ST7: variants seen among roughly 807,000 people sequenced by gnomAD.
ST7 encodes the protein suppression of tumorigenicity 7.
A neutral mutation model predicts 78.7 loss-of-function variants in ST7; 28 were observed. The observed-to-expected ratio is 0.36, with a 90% confidence interval of 0.26 to 0.49. The LOEUF (loss-of-function observed/expected upper bound fraction) is 0.49, where lower values mean the gene tolerates loss of function less well. Ranked by LOEUF, ST7 falls within the 20% of genes least tolerant of loss-of-function variation. The pLI, the probability that ST7 is intolerant of heterozygous loss-of-function variation, is 0.99. For synonymous variants in ST7, 247 were observed against 249.6 expected (o/e 0.99, Z 0.10); for missense variants, 418 against 696.0 (o/e 0.60, Z 4.49).
At chr7:117,139,657 A>G (rs780590910) in intron 9 of ST7, among the ~76,000 whole-genome samples, 1 of 152,176 alleles carries the variant, frequency 6.6e-6, no homozygotes, top group African/African-American at 2.4e-5. Flanking sequence ...ATCTGAGGAG[A>G]GGAACTAGAA....
intron 9 of ST7, among the ~76,000 whole-genome samples, chr7:117,143,879 T>G (rs1805532179): frequency 6.6e-6 from 1 of 152,212 alleles, no homozygotes; most frequent in African/African-American, 2.4e-5. Context: ...AGGTATAATT[T>G]GATTCCATTT....
intron 1 of ST7, among the ~76,000 whole-genome samples, chr7:117,040,903 A>G (rs916336865): frequency 6.6e-6 from 1 of 152,134 alleles, no homozygotes; most frequent in Non-Finnish European, 1.5e-5. Context: ...ATTCCATGGA[A>G]CTACACACAT....
chr7:117,018,140 G>A (rs1795704028), intron 1 of ST7, among the ~76,000 whole-genome samples: 1 of 152,150 alleles, frequency 6.6e-6, no homozygotes, highest in African/African-American at 2.4e-5. Context: ...GTAGACCATG[G>A]CCTCTGTTTG....
At chr7:117,042,758 C>T (rs953041339) in intron 1 of ST7, among the ~76,000 whole-genome samples, 3 of 152,038 alleles carry the variant, frequency 2.0e-5, no homozygotes, top group African/African-American at 7.2e-5. Context: ...ATAGACCTCC[C>T]ACCTTTCTTT....
intron 1 of ST7, among the ~76,000 whole-genome samples, chr7:117,033,441 G>A (rs570949066): frequency 6.1e-4 from 84 of 136,692 alleles, no homozygotes; most frequent in African/African-American, 2.1e-3. Context: ...TTTTCTTTTT[G>A]GAGACAGAGC....
At chr7:117,191,586 A>G (rs1016317865) in intron 12 of ST7, 5 of 152,050 alleles carry the variant, frequency 3.3e-5, no homozygotes, top group African/African-American at 1.2e-4. Flanking sequence ...TATTCAGGAG[A>G]TGAATGTGTA....
At chr7:117,114,635 G>A (rs777216887) in intron 2 of ST7, among the ~76,000 whole-genome samples, 1 of 152,176 alleles carries the variant, frequency 6.6e-6, no homozygotes, top group African/African-American at 2.4e-5. Context: ...GGGTTTAATG[G>A]TGTTGGTGTG....
intron 9 of ST7, among the ~76,000 whole-genome samples, chr7:117,153,353 G>A (rs1225094778): frequency 1.3e-5 from 2 of 152,166 alleles, no homozygotes; most frequent in African/African-American, 2.4e-5. Flanking sequence ...TTATGAGAGA[G>A]ATATGGGCTA....
At chr7:117,154,090 C>T (rs747810390) in intron 9 of ST7, among the ~76,000 whole-genome samples, 54 of 152,016 alleles carry the variant, frequency 3.6e-4, no homozygotes, top group Non-Finnish European at 6.8e-4. Context: ...TTGTATTCTC[C>T]CCAAATTCAT....
chr7:117,032,261 CT>C (rs1311567859), intron 1 of ST7, among the ~76,000 whole-genome samples: 1 of 152,056 alleles, frequency 6.6e-6, no homozygotes, highest in Non-Finnish European at 1.5e-5. Context: ...GTAAATGCTA[CT>C]TTTATGGCCC....
chr7:117,103,329 A>G (rs577350878), intron 2 of ST7, among the ~76,000 whole-genome samples: 159 of 152,368 alleles, frequency 1.0e-3, no homozygotes, highest in Non-Finnish European at 2.2e-3. Flanking sequence ...AACTGGAGGC[A>G]TCACACTATC....
intron 1 of ST7, among the ~76,000 whole-genome samples, chr7:117,029,914 A>G (rs985873261): frequency 2.0e-4 from 30 of 152,294 alleles, no homozygotes; most frequent in African/African-American, 7.0e-4. Context: ...TCCTTAGGCC[A>G]ATACTATAAT....
chr7:117,034,643 G>A (rs1373315630), intron 1 of ST7, among the ~76,000 whole-genome samples: 2 of 152,014 alleles, frequency 1.3e-5, no homozygotes, highest in Non-Finnish European at 2.9e-5. Flanking sequence ...ATCACTCATT[G>A]GTTTATCTAA....
intron 1 of ST7, among the ~76,000 whole-genome samples, chr7:117,041,147 A>G (rs768914975): frequency 6.6e-6 from 1 of 152,174 alleles, no homozygotes; most frequent in Non-Finnish European, 1.5e-5. Context: ...TGTTTGTGCA[A>G]GGATATCAGC....
At chr7:117,082,648 T>C (rs1460644086) in intron 1 of ST7, among the ~76,000 whole-genome samples, 5 of 152,204 alleles carry the variant, frequency 3.3e-5, no homozygotes, top group Admixed American at 6.5e-5. Flanking sequence ...AGAAGGACTT[T>C]AGTAGAAAAT....
chr7:117,047,008 G>A (rs1797526159), intron 1 of ST7, among the ~76,000 whole-genome samples: 1 of 152,122 alleles, frequency 6.6e-6, no homozygotes, highest in South Asian at 2.1e-4. Flanking sequence ...AGAGCCTGCC[G>A]CATATTGAAC....
In ST7 at chr7:117,159,011, G is replaced by T. The variant is rs1806922416; in HGVS notation, c.964-11851G>T. Among the ~76,000 whole-genome samples the T allele has an allele frequency of 2.0e-5, 3 of 152,128 alleles. 1 individual carries two copies. The highest frequency in any genetic ancestry group is 1.3e-4 in the Admixed American group (2 of 15,264). ...CTGAGGATCTCTTTTAGTTACCTCTGCCTTAAAGTATGTAAGAATTTTCCC... is the reference window on the plus strand; with the variant it reads ...CTGAGGATCTCTTTTAGTTACCTCTTCCTTAAAGTATGTAAGAATTTTCCC... On this transcript the variant is annotated intron_variant, in intron 9 of 15. Transcript: ENST00000323984.
intron 1 of ST7, among the ~76,000 whole-genome samples, chr7:116,963,444 T>C (rs1464344647): frequency 6.6e-6 from 1 of 152,190 alleles, no homozygotes; most frequent in East Asian, 1.9e-4. Context: ...CAGGCCCAGT[T>C]AGTTAGCTGT....
At chr7:117,165,393 G>C (rs146498687) in intron 9 of ST7, among the ~76,000 whole-genome samples, 5 of 152,078 alleles carry the variant, frequency 3.3e-5, no homozygotes, top group Admixed American at 6.5e-5. Context: ...GAGTCAAAAC[G>C]TACAGGTTCT....
Sources: allele counts gnomAD v4.1 joint callset (sites outside exome capture counted in the v4.1 genomes callset), GRCh38; gene constraint gnomAD v4.1.1; transcripts MANE v1.5; gene names NCBI Gene and HGNC (gene_info 2026-07-23, HGNC 2026-07-21).